TBP: variants seen among roughly 807,000 people sequenced by gnomAD.
TBP encodes TATA-box binding protein.
Under a neutral mutation model 46.2 loss-of-function variants are expected in TBP, and 12 were observed. The observed-to-expected ratio is 0.26, with a 90% CI of 0.17 to 0.42. The LOEUF is 0.42. TBP is among the 10% of genes least tolerant of loss of function. The pLI, the probability that TBP is intolerant of heterozygous loss-of-function variation, is 1.00. For missense variants in TBP, 229 were observed against 403.1 expected (o/e 0.57, Z 3.70); for synonymous variants, 157 against 148.3 (o/e 1.06, Z -0.42).
chr6:170,563,945 C>G (rs1369254240), intron 3 of TBP, among the ~76,000 whole-genome samples: 1 of 152,062 alleles, frequency 6.6e-6, no homozygotes, highest in Non-Finnish European at 1.5e-5. Context: ...TTTAAGAACA[C>G]TGAGAAATGA....
chr6:170,566,977 T>C lies in TBP; in HGVS notation c.645T>C (p.Ser215=). ...REPRTTALIF[S]SGKMVCTGAK... ...CACGAACCACGGCACTGATTTTCAG[T>C]TCTGGGAAAATGGTGTGCACAGGAG... The change falls in exon 5 of 8, where the codon AGT becomes AGC. Residue 215 remains serine (S), a synonymous_variant. Transcript: ENST00000392092. 1.2e-6 allele frequency: 2 copies of C among 1,613,788 alleles called. No individual in the cohort carries two copies. The highest frequency in any genetic ancestry group is 1.7e-6 in the Non-Finnish European group (2 of 1,179,838).
chr6:170,556,177 A>G (rs1222654417), intron 1 of TBP, among the ~76,000 whole-genome samples: 1 of 152,216 alleles, frequency 6.6e-6, no homozygotes, highest in African/African-American at 2.4e-5. Context: ...TTGGACATAT[A>G]ATTTGTAACT....
chr6:170,569,785 T>C lies in TBP; in HGVS notation c.845+6T>C. ...ACCCACCAACAATTTAGTAGGTAAG[T>C]CTGAAATGTATTATGATTGTTATTG... On this transcript the variant is annotated splice_donor_region_variant and intron_variant, in intron 6 of 7. Transcript: ENST00000392092. 6 of 1,610,322 alleles carry C rather than the reference T, an allele frequency of 3.7e-6. No individual in the cohort carries two copies. The highest frequency in any genetic ancestry group is 5.1e-6 in the Non-Finnish European group (6 of 1,178,748).
At chr6:170,568,810 C>CTTT (rs752964895) in intron 5 of TBP, among the ~76,000 whole-genome samples, 2 of 26,150 alleles carry the variant, frequency 7.6e-5, no homozygotes, top group Admixed American at 2.9e-4. Context: ...TCTTTCTTTC[C>CTTT]TTTTCTTTTT....
Position 170,571,520 on chromosome 6 carries a change from A to T in TBP, c.940+16A>T, listed in dbSNP as rs138915574. ...GTATTAACAGGTAAGTTGTAACAGG[A>T]AGTAGTATCTGAAAGTTTGTAAGTG... On this transcript the variant is annotated intron_variant, in intron 7 of 7. Transcript: ENST00000392092. The T allele has an allele frequency of 1.7e-5, 27 of 1,568,652 alleles. No individual in the cohort carries two copies. In the African/African-American group the frequency reaches 3.5e-4, roughly 20 times the overall value.
chr6:170,564,512 A>C (rs770705419), intron 3 of TBP, 33 bp from the exon 4 acceptor site: 1 of 1,467,004 alleles, frequency 6.8e-7, no homozygotes, highest in Non-Finnish European at 9.4e-7. Flanking sequence ...AAGTAATTTA[A>C]ATAGTCGTGT....
At chr6:170,571,134 G>C (rs1476425313) in intron 6 of TBP, among the ~76,000 whole-genome samples, 1 of 152,254 alleles carries the variant, frequency 6.6e-6, no homozygotes, top group African/African-American at 2.4e-5. Context: ...TAACTACAGG[G>C]CTCTTTTTCT....
At position 170,572,314 on chromosome 6, in the gene TBP, TAAACAAATCAG is replaced by T; in HGVS notation, c.*50_*60del. The T allele has an allele frequency of 3.0e-6, 4 of 1,316,152 alleles. No homozygotes were observed. Among genetic ancestry groups the T allele is most frequent in the Non-Finnish European group, 4.3e-6 (4 of 929,388 alleles). The allele number at this position is 1,316,152 out of a possible 1,614,324, so 81.5% of individuals were successfully genotyped here. A position where few individuals can be genotyped will look rare whatever the true frequency, so the allele number is the denominator to read the frequency against. On this transcript the variant is annotated 3_prime_UTR_variant, in exon 8 of 8. Coordinates refer to ENST00000392092, the MANE Select transcript of TBP (RefSeq NM_003194.5). ...CCCCACCCCCTTCTTTTTTTTTTTTTAAACAAATCAGTTTGTTTTGGTACCTTTAAATGGTG... is the reference window on the plus strand; with the variant it reads ...CCCCACCCCCTTCTTTTTTTTTTTTTTTTGTTTTGGTACCTTTAAATGGTG...
chr6:170,560,100 T>C (rs1221733666), intron 2 of TBP, among the ~76,000 whole-genome samples: 2 of 152,240 alleles, frequency 1.3e-5, no homozygotes, highest in Non-Finnish European at 2.9e-5. Flanking sequence ...CAAGCTCTGA[T>C]GGAGAAGAAC....
chr6:170,567,493 A>T (rs1779286345), intron 5 of TBP: 2 of 152,348 alleles, frequency 1.3e-5, no homozygotes, highest in African/African-American at 4.8e-5. Context: ...TCCAGAAAAA[A>T]GAAAAAAATT....
At position 170,561,984 on chromosome 6, in the gene TBP, A is replaced by G; in HGVS notation, c.248A>G (p.Gln83Arg). Residue 83 changes from glutamine (Q) to arginine (R), a missense_variant, in exon 3 of 8, where the codon CAG becomes CGG. Coordinates refer to ENST00000392092, the MANE Select transcript of TBP (RefSeq NM_003194.5). ...CAGCAGCAGCAGCAGCAGCAGCAGC[A>G]GCAGCAGCAGCAGCAGCAGCAGCAG... ...QQQQQQQQQQ[Q>R]QQQQQQQQQQ... 6.4e-7 allele frequency: 1 copy of G among 1,571,912 alleles called. No homozygotes were observed. The highest frequency in any genetic ancestry group is 1.4e-5 in the African/African-American group (1 of 73,848).
rs142139918 is a variant in TBP, at chr6:170,572,065, C to T, written c.941-121C>T. 9.1e-4 allele frequency: 703 copies of T among 768,700 alleles called. 7 individuals are homozygous for T. The African/African-American group carries it at 0.011, about 12-fold the overall frequency. 47.6% of individuals were successfully genotyped at this position (768,700 alleles called of 1,614,324 possible). On this transcript the variant is annotated intron_variant, in intron 7 of 7. Transcript: ENST00000392092. ...ACTATTAATGTTTTCATGCCTGTGC[C>T]TTAATCTGACTGGGTATGGTGAGAA...
At chr6:170,556,843 G>T in intron 1 of TBP, 39 bp from the exon 2 acceptor site, 2 of 606,882 alleles carry the variant, frequency 3.3e-6, no homozygotes, top group South Asian at 2.1e-5. Flanking sequence ...CAGGTTACCT[G>T]GATCCTTAAA....
chr6:170,567,399 CG>C (rs2114999934), intron 5 of TBP: 1 of 152,964 alleles, frequency 6.5e-6, no homozygotes, highest in African/African-American at 2.4e-5. Flanking sequence ...GCACGAGAAT[CG>C]CTTAAATCCG....
Position 170,556,894 on chromosome 6 carries a change from T to C in TBP, c.-136T>C, listed in dbSNP as rs1779041034. 2.5e-6 allele frequency: 2 copies of C among 808,274 alleles called. No homozygotes were observed. Among genetic ancestry groups the C allele is most frequent in the South Asian group, 3.3e-5 (2 of 60,458 alleles). 50.1% of individuals were successfully genotyped at this position (808,274 alleles called of 1,614,324 possible). On this transcript the variant is annotated 5_prime_UTR_variant, in exon 2 of 8. Coordinates refer to ENST00000392092, the MANE Select transcript of TBP (RefSeq NM_003194.5). The stretch of plus-strand genomic sequence containing the variant: ...TTTTCCAAAGCAGCATCACTGTTTC[T>C]TGGCGTGTGAAGATAACCCAAGGAA...
rs1349913466 is a variant in TBP at position 170,556,862 on chromosome 6, T to C, written c.-148-20T>C. The C allele has an allele frequency of 4.5e-6, 3 of 672,120 alleles. No individual in the cohort carries two copies. Among genetic ancestry groups the C allele is most frequent in the East Asian group, 2.6e-5 (1 of 38,748 alleles). The allele number at this position is 672,120 out of a possible 1,614,324, so 41.6% of individuals were successfully genotyped here. A position where few individuals can be genotyped will look rare whatever the true frequency, so the allele number is the denominator to read the frequency against. ...TTACCTGGATCCTTAAATTAAACTT[T>C]AGACTTTTTTCCAAAGCAGCATCAC... On this transcript the variant is annotated intron_variant, in intron 1 of 7. Coordinates refer to ENST00000392092, the MANE Select transcript of TBP (RefSeq NM_003194.5).
chr6:170,569,874 T>G (rs1779339068), intron 6 of TBP, 95 bp downstream of exon 6: 2 of 1,152,620 alleles, frequency 1.7e-6, no homozygotes, highest in South Asian at 3.1e-5. Context: ...ATTCAGTATA[T>G]GAGAACAGTT....
At chr6:170,571,923 A>C (rs1308270396) in intron 7 of TBP, among the ~76,000 whole-genome samples, 1 of 151,886 alleles carries the variant, frequency 6.6e-6, no homozygotes, top group Non-Finnish European at 1.5e-5. Flanking sequence ...TTCAGGACCA[A>C]GGAGAGAAGT....
intron 5 of TBP, among the ~76,000 whole-genome samples, chr6:170,569,286 A>C (rs965639952): frequency 6.6e-6 from 1 of 152,242 alleles, no homozygotes; most frequent in African/African-American, 2.4e-5. Context: ...GAAGTTTGTT[A>C]GTTTTCCTCT....
Sources: gnomAD v4.1 joint callset for allele counts (sites outside exome capture counted in the v4.1 genomes callset) on GRCh38, gnomAD v4.1.1 for gene constraint, MANE v1.5 for transcripts, NCBI Gene and HGNC (gene_info 2026-07-23, HGNC 2026-07-21) for gene names.